Variants in TTC39C observed in about 807,000 individuals in gnomAD.
TTC39C encodes tetratricopeptide repeat domain 39C, also known as tetratricopeptide repeat protein 39C.
In TTC39C, 33 loss-of-function variants were observed where a neutral mutation model predicts 76.3. That is an observed-to-expected ratio of 0.43 (90% CI 0.33 to 0.58). The LOEUF (loss-of-function observed/expected upper bound fraction) is 0.58. Among genes scored for constraint, TTC39C ranks in the 20% least tolerant of loss-of-function variants. The probability of loss-of-function intolerance (pLI) is 0.04; values close to 1 mark genes in which losing one functional copy is unlikely to be tolerated. For synonymous variants in TTC39C, 254 were observed against 260.6 expected (o/e 0.97, Z 0.24); for missense variants, 595 against 701.4 (o/e 0.85, Z 1.71).
At chr18:24,119,114 TTC>T (rs1209073044) in intron 8 of TTC39C, among the ~76,000 whole-genome samples, 7 of 34,172 alleles carry the variant, frequency 2.0e-4, no homozygotes, top group Non-Finnish European at 3.2e-4. Flanking sequence ...AACACCTGTA[TTC>T]TGTTTTGAAT....
At chr18:24,132,099 A>T (rs972630735) in intron 13 of TTC39C, among the ~76,000 whole-genome samples, 179 bp downstream of exon 13, 1 of 152,246 alleles carries the variant, frequency 6.6e-6, no homozygotes, top group Non-Finnish European at 1.5e-5. Flanking sequence ...TTACAAGATC[A>T]TAAGGAACTT....
At chr18:24,064,117 G>C in intron 1 of TTC39C, 23 bp from the exon 2 acceptor site, 1 of 1,612,668 alleles carries the variant, frequency 6.2e-7, no homozygotes, top group South Asian at 1.1e-5. Context: ...TATTTTGTGT[G>C]TGTGTGTGTG....
intron 6 of TTC39C, among the ~76,000 whole-genome samples, chr18:24,103,945 T>C (rs1037990994): frequency 5.3e-5 from 8 of 151,260 alleles, no homozygotes; most frequent in South Asian, 2.1e-4. Context: ...TTTTTTTTTT[T>C]GTTTGAGACG....
chr18:24,004,556 A>G (rs2083337392), intron 1 of TTC39C, among the ~76,000 whole-genome samples: 1 of 152,034 alleles, frequency 6.6e-6, no homozygotes, highest in Non-Finnish European at 1.5e-5. Flanking sequence ...TGACCTGGTT[A>G]CCCTTGTGTG....
chr18:24,104,721 T>TGTGTGTGTGTGTGA (rs1352635739), intron 6 of TTC39C, among the ~76,000 whole-genome samples: 6 of 150,502 alleles, frequency 4.0e-5, no homozygotes, highest in African/African-American at 9.9e-5. Context: ...TGTGTGTGTG[T>TGTGTGTGTGTGTGA]GACTGTGCAT....
intron 1 of TTC39C, among the ~76,000 whole-genome samples, chr18:24,038,525 C>T (rs1166644279): frequency 5.9e-5 from 9 of 152,226 alleles, no homozygotes; most frequent in Non-Finnish European, 8.8e-5. Flanking sequence ...TCAAGCAATC[C>T]GTCCGCCTTG....
rs2145815062 is a variant in TTC39C at position 24,118,159 on chromosome 18, T to C, written c.1113T>C (p.Asp371=). The change falls in exon 8 of 14, where the codon GAT becomes GAC. Residue 371 remains aspartate, a synonymous_variant. Transcript: ENST00000317571. The part of the protein sequence containing the change: ...WCSMIELNFK[D]AFDSFERLKN... ...GCATGATAGAGCTCAATTTCAAGGATGCATTTGATTCCTTTGAGAGGCTAA... is the reference window on the plus strand; with the variant it reads ...GCATGATAGAGCTCAATTTCAAGGACGCATTTGATTCCTTTGAGAGGCTAA... 1 of 1,614,046 alleles carries C rather than the reference T, an allele frequency of 6.2e-7. No homozygotes were observed. The highest frequency in any genetic ancestry group is 1.1e-5 in the South Asian group (1 of 91,070).
rs570373832 is a variant in TTC39C, at chr18:24,081,461, G to A, written c.815+522G>A. Among the ~76,000 whole-genome samples, 12 of 152,290 alleles carry A rather than the reference G, an allele frequency of 7.9e-5. No individual in the cohort carries two copies. In the South Asian group the frequency reaches 2.3e-3, roughly 29 times the overall value. On this transcript the variant is annotated intron_variant, in intron 5 of 13. Transcript: ENST00000317571. The stretch of plus-strand genomic sequence containing the variant: ...TAATTATTTAAGCAGGAGAGCATGA[G>A]GAAGCTGATATAACTATCTAGAACA...
At chr18:24,027,649 T>G (rs1304006908) in intron 1 of TTC39C, among the ~76,000 whole-genome samples, 1 of 151,868 alleles carries the variant, frequency 6.6e-6, no homozygotes, top group Admixed American at 6.6e-5. Flanking sequence ...AGCCTTGATC[T>G]CTTAGGCTCA....
At position 24,014,899 on chromosome 18, in the gene TTC39C, C is replaced by G. The variant is rs778239224; in HGVS notation, c.28C>G (p.Arg10Gly). 5 of 1,491,264 alleles carry G rather than the reference C, an allele frequency of 3.4e-6. No individual in the cohort carries two copies. Among genetic ancestry groups the G allele is most frequent in the Non-Finnish European group, 3.6e-6 (4 of 1,121,680 alleles). The allele number at this position is 1,491,264 out of a possible 1,614,324, so 92.4% of individuals were successfully genotyped here. ...GGCCGGCTCGGAGCAGCAGCGGCCG[C>G]GGCGGCGGGACGACGGAGACTCGGA... MAGSEQQRP[R>G]RRDDGDSDAA... The change falls in exon 1 of 14, where the codon CGG becomes GGG. Residue 10 changes from arginine to glycine, a missense_variant. By Grantham distance (125) the Arg-to-Gly change is moderately radical. Coordinates refer to ENST00000317571, the MANE Select transcript of TTC39C (RefSeq NM_001135993.2).
chr18:24,092,657 T>TA (rs2084538972), intron 6 of TTC39C, among the ~76,000 whole-genome samples: 1 of 152,230 alleles, frequency 6.6e-6, no homozygotes, highest in Admixed American at 6.5e-5. Flanking sequence ...ATTCCATTTA[T>TA]ATGACATCTT....
intron 1 of TTC39C, among the ~76,000 whole-genome samples, chr18:23,993,744 T>C (rs935352149): frequency 6.6e-6 from 1 of 152,246 alleles, no homozygotes; most frequent in African/African-American, 2.4e-5. Flanking sequence ...TTATTTAATT[T>C]CACTACATAT....
intron 1 of TTC39C, among the ~76,000 whole-genome samples, chr18:23,995,031 A>G (rs1398082708): frequency 6.6e-6 from 1 of 152,162 alleles, no homozygotes; most frequent in African/African-American, 2.4e-5. Context: ...AGGTTTGTCT[A>G]ATCAGCATTG....
intron 6 of TTC39C, among the ~76,000 whole-genome samples, chr18:24,098,079 T>C (rs1018315054): frequency 7.2e-5 from 11 of 152,094 alleles, no homozygotes; most frequent in African/African-American, 2.7e-4. Context: ...TATATTATTT[T>C]TTATCCACTT....
At chr18:24,023,964 A>ATCTATATCTATATCTATATC (rs1599245860) in intron 1 of TTC39C, among the ~76,000 whole-genome samples, 2 of 10,198 alleles carry the variant, frequency 2.0e-4, no homozygotes, top group Non-Finnish European at 1.0e-3. Flanking sequence ...ATATATATAT[A>ATCTATATCTATATCTATATC]TATATATATA....
rs1312605076 is a variant in TTC39C at position 24,022,859 on chromosome 18, T to C, written c.167+7821T>C. On this transcript the variant is annotated intron_variant, in intron 1 of 13. Transcript: ENST00000317571. ...CGTCATCCAGCCAGGTATATCTTGC[T>C]CTTCCAGACACGGCTCAGATTTTTA... 4.1e-6 allele frequency: 4 copies of C among 985,350 alleles called. No homozygotes were observed. The African/African-American group carries it at 7.0e-5, about 17-fold the overall frequency. The allele number at this position is 985,350 out of a possible 1,614,324, so 61.0% of individuals were successfully genotyped here.
chr18:24,069,006 C>G (rs944355669), intron 3 of TTC39C, 151 bp from the exon 4 acceptor site: 2 of 577,136 alleles, frequency 3.5e-6, no homozygotes, highest in African/African-American at 3.7e-5. Context: ...TTGGAGCTGC[C>G]AGGCTCATAG....
intron 4 of TTC39C, among the ~76,000 whole-genome samples, chr18:24,072,357 A>G (rs930083210): frequency 1.3e-5 from 2 of 151,918 alleles, no homozygotes; most frequent in Admixed American, 6.6e-5. Flanking sequence ...GCAGTGGCAC[A>G]ATCTCGGCTC....
At chr18:24,051,780 A>C (rs912490556) in intron 1 of TTC39C, among the ~76,000 whole-genome samples, 2 of 152,236 alleles carry the variant, frequency 1.3e-5, no homozygotes, top group African/African-American at 2.4e-5. Flanking sequence ...GGTTCAGGTG[A>C]TGAAGGTCTT....
Sources: allele counts gnomAD v4.1 joint callset (sites outside exome capture counted in the v4.1 genomes callset), GRCh38; gene constraint gnomAD v4.1.1; transcripts MANE v1.5; gene names NCBI Gene and HGNC (gene_info 2026-07-23, HGNC 2026-07-21).